The following ABLIM1 variants were observed in gnomAD, a reference collection of about 807,000 sequenced individuals.
ABLIM1 encodes actin-binding LIM protein 1.
ABLIM1 carries 40 observed loss-of-function variants against 107.0 expected under a neutral mutation model. The observed-to-expected ratio is 0.37, with a 90% CI of 0.29 to 0.49. The LOEUF is 0.49. ABLIM1 is among the 20% of genes least tolerant of loss of function. The probability of loss-of-function intolerance (pLI) is 0.97; values close to 1 mark genes in which losing one functional copy is unlikely to be tolerated. For synonymous variants in ABLIM1, 357 were observed against 357.3 expected (o/e 1.00, Z 0.01); for missense variants, 857 against 1,008.5 (o/e 0.85, Z 2.04).
intron 6 of ABLIM1, among the ~76,000 whole-genome samples, chr10:114,509,192 G>C (rs2061527457): frequency 6.6e-6 from 1 of 152,160 alleles, no homozygotes; most frequent in African/African-American, 2.4e-5. Context: ...CACATAAGGA[G>C]GGCAAACTGC....
At chr10:114,618,373 A>G (rs1381029302) in intron 1 of ABLIM1, among the ~76,000 whole-genome samples, 1 of 152,170 alleles carries the variant, frequency 6.6e-6, no homozygotes, top group Non-Finnish European at 1.5e-5. Context: ...TGATCTACTA[A>G]TAATTTTTTC....
intron 1 of ABLIM1, among the ~76,000 whole-genome samples, chr10:114,645,998 T>G (rs1394517988): frequency 6.6e-6 from 1 of 152,228 alleles, no homozygotes; most frequent in African/African-American, 2.4e-5. Flanking sequence ...GTGCTAGTAC[T>G]ACATGCCATA....
intron 1 of ABLIM1, among the ~76,000 whole-genome samples, chr10:114,616,730 GGACACATTGT>G (rs1286100443): frequency 6.6e-6 from 1 of 152,086 alleles, no homozygotes; most frequent in African/African-American, 2.4e-5. Flanking sequence ...CCATCTCATT[GGACACATTGT>G]CCTGATTTTA....
chr10:114,797,135 G>T, the ABLIM1 span, among the ~76,000 whole-genome samples: 28 of 152,044 alleles, frequency 1.8e-4, no homozygotes, highest in Non-Finnish European at 3.2e-4. Flanking sequence ...CCAAGAGATG[G>T]GTCCCCAGAC....
At chr10:114,454,095 C>T (rs369931027) in intron 12 of ABLIM1, among the ~76,000 whole-genome samples, 15 of 152,236 alleles carry the variant, frequency 9.9e-5, no homozygotes, top group African/African-American at 3.6e-4. Context: ...AGGTATTTCA[C>T]GACCATTTAT....
chr10:114,541,161 C>T (rs997074274), intron 6 of ABLIM1, among the ~76,000 whole-genome samples: 27 of 151,948 alleles, frequency 1.8e-4, no homozygotes, highest in Admixed American at 1.2e-3. Flanking sequence ...CTGGGAGAGG[C>T]GAGGAAAGGC....
In ABLIM1 at chr10:114,746,881, C is replaced by T. The variant is rs7923538; in HGVS notation, c.-213+21180G>A. The stretch of plus-strand genomic sequence containing the variant: ...AGCAATGTCTATTCATATCCTTTAC[C>T]GATTTCTTAATTGGATTATTTCTTT... On this transcript the variant is annotated intron_variant, in intron 1 of 15. Coordinates refer to the ABLIM1 transcript ENST00000651092. Among the ~76,000 whole-genome samples, 1,114 of 152,096 alleles carry T rather than the reference C, an allele frequency of 7.3e-3. 19 individuals are homozygous for T. The highest frequency in any genetic ancestry group is 0.026 in the African/African-American group (1,068 of 41,480).
At chr10:114,468,464 T>C (rs570713931) in intron 10 of ABLIM1, among the ~76,000 whole-genome samples, 33 of 152,096 alleles carry the variant, frequency 2.2e-4, no homozygotes, top group East Asian at 1.2e-3. Flanking sequence ...TTAGTAGAGA[T>C]GGGGTTTCAC....
intron 8 of ABLIM1, among the ~76,000 whole-genome samples, chr10:114,478,462 G>T (rs1251724604): frequency 6.6e-6 from 1 of 152,214 alleles, no homozygotes; most frequent in Non-Finnish European, 1.5e-5. Context: ...TCCAGGGAGA[G>T]AGGTGATTGG....
chr10:114,610,698 A>G (rs1238336105), intron 1 of ABLIM1: 2 of 152,220 alleles, frequency 1.3e-5, no homozygotes, highest in African/African-American at 4.8e-5. Context: ...CCCAGTCATT[A>G]GTTGTCCAAA....
At chr10:114,483,221 T>C (rs1217155917) in intron 8 of ABLIM1, among the ~76,000 whole-genome samples, 1 of 152,208 alleles carries the variant, frequency 6.6e-6, no homozygotes, top group Non-Finnish European at 1.5e-5. Flanking sequence ...TGCAGTTGGC[T>C]TGCTGTTTAT....
At chr10:114,741,351 G>A (rs1269674027) in intron 1 of ABLIM1, among the ~76,000 whole-genome samples, 9 of 142,960 alleles carry the variant, frequency 6.3e-5, no homozygotes, top group South Asian at 2.4e-4. Context: ...TCAGCCTCCC[G>A]AGGAGCTGGG....
At chr10:114,590,846 A>G (rs1205314280) in intron 2 of ABLIM1, among the ~76,000 whole-genome samples, 1 of 152,192 alleles carries the variant, frequency 6.6e-6, no homozygotes. Context: ...TTTAATATGG[A>G]CAAAAAAATT....
At chr10:114,443,902 G>C (rs905893886) in intron 17 of ABLIM1, 127 bp downstream of exon 17, 3 of 706,430 alleles carry the variant, frequency 4.2e-6, no homozygotes, top group Non-Finnish European at 4.8e-6. Flanking sequence ...ACATGGAGTG[G>C]GTTTCCCACA....
chr10:114,508,440 T>C (rs2061434768), intron 6 of ABLIM1, among the ~76,000 whole-genome samples: 1 of 152,234 alleles, frequency 6.6e-6, no homozygotes, highest in South Asian at 2.1e-4. Flanking sequence ...GGCTCATGCC[T>C]GTAATCCCAA....
At chr10:114,545,498 C>G (rs2067212853) in intron 5 of ABLIM1, among the ~76,000 whole-genome samples, 1 of 152,116 alleles carries the variant, frequency 6.6e-6, no homozygotes, top group African/African-American at 2.4e-5. Flanking sequence ...TGTTAATGAA[C>G]CTGAAGAAGA....
At chr10:114,796,895 T>G in the ABLIM1 span, among the ~76,000 whole-genome samples, 96 of 152,324 alleles carry the variant, frequency 6.3e-4, no homozygotes, top group African/African-American at 2.0e-3. Context: ...TGCCATCATC[T>G]TACGACCTGC....
chr10:114,497,453 G>A (rs1300407667), intron 6 of ABLIM1, among the ~76,000 whole-genome samples: 1 of 150,752 alleles, frequency 6.6e-6, no homozygotes, highest in Non-Finnish European at 1.5e-5. Context: ...GCCGAGGCGG[G>A]CAGATCACGA....
chr10:114,488,791 T>C (rs2058533833), intron 7 of ABLIM1, among the ~76,000 whole-genome samples: 1 of 152,218 alleles, frequency 6.6e-6, no homozygotes, highest in Admixed American at 6.5e-5. Context: ...CCTGCTCATA[T>C]GATTTTGTAT....
Sources: allele counts gnomAD v4.1 joint callset (sites outside exome capture counted in the v4.1 genomes callset), GRCh38; gene constraint gnomAD v4.1.1; transcripts MANE v1.5; gene names NCBI Gene and HGNC (gene_info 2026-07-23, HGNC 2026-07-21).